The following MYO1B variants were observed in gnomAD, a reference collection of about 807,000 sequenced individuals.
MYO1B encodes unconventional myosin-Ib.
MYO1B carries 72 observed loss-of-function variants against 159.7 expected under a neutral mutation model. That is an observed-to-expected ratio of 0.45 (90% CI 0.37 to 0.55). The LOEUF (loss-of-function observed/expected upper bound fraction) is 0.55. MYO1B is among the 20% of genes least tolerant of loss of function. The probability of loss-of-function intolerance (pLI) is 0.00; values close to 1 mark genes in which losing one functional copy is unlikely to be tolerated. For synonymous variants in MYO1B, 468 were observed against 473.8 expected (o/e 0.99, Z 0.16); for missense variants, 1,062 against 1,364.8 (o/e 0.78, Z 3.50).
chr2:191,276,666 C>T (rs1687771272), intron 1 of MYO1B, among the ~76,000 whole-genome samples: 1 of 152,028 alleles, frequency 6.6e-6, no homozygotes, highest in Non-Finnish European at 1.5e-5. Flanking sequence ...GGAGGATGGA[C>T]TGGGAAGGAG....
chr2:191,348,649 G>T (rs1019861402), intron 6 of MYO1B, among the ~76,000 whole-genome samples: 2 of 151,946 alleles, frequency 1.3e-5, no homozygotes, highest in African/African-American at 4.8e-5. Flanking sequence ...GACTCTCCGG[G>T]TAGCTCTCAA....
chr2:191,313,212 TTTTTTTTTTTTTTTTG>T (rs1690124205), intron 3 of MYO1B, among the ~76,000 whole-genome samples: 1 of 124,808 alleles, frequency 8.0e-6, no homozygotes, highest in African/African-American at 3.0e-5. Context: ...TTTTTTTTTT[TTTTTTTTTTTTTTTTG>T]AGACGGAGTT....
At chr2:191,371,541 C>T (rs889460279) in intron 13 of MYO1B, among the ~76,000 whole-genome samples, 1 of 152,116 alleles carries the variant, frequency 6.6e-6, no homozygotes, top group African/African-American at 2.4e-5. Flanking sequence ...AAGTAAAGCT[C>T]CTCAGGTCAA....
In MYO1B at chr2:191,400,386, G is replaced by A. The variant is rs755451462; in HGVS notation, c.2300G>A (p.Arg767Gln). 1.1e-5 allele frequency: 17 copies of A among 1,613,642 alleles called. No homozygotes were observed. The highest frequency in any genetic ancestry group is 3.3e-5 in the Admixed American group (2 of 59,956). Residue 767 changes from arginine to glutamine, a missense_variant, in exon 22 of 31, where the codon CGA becomes CAA. Around this residue, in one of 5 missense-constraint regions of MYO1B, gnomAD observed 609 missense variants for 744.4 expected, o/e 0.82. Coordinates refer to ENST00000392318, the MANE Select transcript of MYO1B (RefSeq NM_001130158.3). ...TTGGGTGATTCTGCCCTTTAGGCTC[G>A]AAAAATTCTGCGGGAACTGAAGCAT... The part of the protein sequence containing the change: ...IQSYIRGWKA[R>Q]KILRELKHQK...
chr2:191,383,380 G>A (rs1695157868), intron 15 of MYO1B, 38 bp downstream of exon 15: 1 of 1,375,388 alleles, frequency 7.3e-7, no homozygotes, highest in Admixed American at 2.3e-5. Context: ...GAATGTTTTA[G>A]TCCTATAATT....
In MYO1B at chr2:191,313,192, CTTTTTTTTTTTTTTTT is replaced by C. The variant is rs762175060; in HGVS notation, c.252-16723_252-16708del. Among the ~76,000 whole-genome samples the C allele has an allele frequency of 5.6e-4, 24 of 43,010 alleles. 1 individual carries two copies. Among genetic ancestry groups the C allele is most frequent in the Admixed American group, 2.2e-3 (5 of 2,278 alleles). 28.2% of individuals were successfully genotyped at this position (43,010 alleles called of 152,430 possible). A position where few individuals can be genotyped will look rare whatever the true frequency, so the allele number is the denominator to read the frequency against. ...TAGTTATAATATCTGGCACACATGG[CTTTTTTTTTTTTTTTT>C]TTTTTTTTTTTTTTTTTTTGAGACG... On this transcript the variant is annotated intron_variant, in intron 3 of 30. Transcript: ENST00000392318.
At chr2:191,336,870 A>C (rs1380592412) in intron 4 of MYO1B, among the ~76,000 whole-genome samples, 1 of 152,198 alleles carries the variant, frequency 6.6e-6, no homozygotes, top group African/African-American at 2.4e-5. Flanking sequence ...TTGGTGTCTT[A>C]ACTAGAGAGA....
chr2:191,294,496 A>G (rs1688865432), intron 2 of MYO1B, among the ~76,000 whole-genome samples: 1 of 152,224 alleles, frequency 6.6e-6, no homozygotes, highest in Admixed American at 6.5e-5. Flanking sequence ...AGCTATTCAG[A>G]CAAGTATTCA....
At chr2:191,302,720 T>C (rs922294444) in intron 3 of MYO1B, among the ~76,000 whole-genome samples, 1 of 152,220 alleles carries the variant, frequency 6.6e-6, no homozygotes, top group African/African-American at 2.4e-5. Flanking sequence ...CATATTACCT[T>C]AGGCATTGCA....
chr2:191,370,082 C>A, intron 12 of MYO1B, 145 bp from the exon 13 acceptor site: 1 of 602,638 alleles, frequency 1.7e-6, no homozygotes, highest in Non-Finnish European at 2.9e-6. Flanking sequence ...TGCCTCATCT[C>A]ATACATTTTT....
chr2:191,373,030 T>G (rs1694473426), intron 13 of MYO1B, among the ~76,000 whole-genome samples: 1 of 151,882 alleles, frequency 6.6e-6, no homozygotes, highest in Non-Finnish European at 1.5e-5. Context: ...TTTTGTATTT[T>G]TAGTAGAGAC....
chr2:191,411,464 TAC>T (rs1697244121), intron 27 of MYO1B, among the ~76,000 whole-genome samples: 1 of 152,362 alleles, frequency 6.6e-6, no homozygotes, highest in South Asian at 2.1e-4. Context: ...GCTGTTAAGA[TAC>T]GTTTGCATTG....
chr2:191,369,445 A>G (rs1178072027), intron 11 of MYO1B, 97 bp from the exon 12 acceptor site: 9 of 905,522 alleles, frequency 9.9e-6, no homozygotes, highest in Non-Finnish European at 1.5e-5. Flanking sequence ...GAAATAAAAG[A>G]GCTTCAAATA....
At chr2:191,406,851 G>A (rs1381685609) in intron 24 of MYO1B, among the ~76,000 whole-genome samples, 1 of 152,196 alleles carries the variant, frequency 6.6e-6, no homozygotes, top group Non-Finnish European at 1.5e-5. Context: ...AGGTATGCCT[G>A]TAAAAAGAAA....
chr2:191,305,722 T>G (rs1015528752), intron 3 of MYO1B, among the ~76,000 whole-genome samples: 1 of 152,132 alleles, frequency 6.6e-6, no homozygotes, highest in African/African-American at 2.4e-5. Flanking sequence ...TGATTCCTTT[T>G]GTAGCAGCAT....
intron 13 of MYO1B, among the ~76,000 whole-genome samples, chr2:191,379,665 A>G (rs912871457): frequency 6.6e-6 from 1 of 152,148 alleles, no homozygotes; most frequent in Admixed American, 6.5e-5. Flanking sequence ...GCCAGATAAC[A>G]CATTTGTTCC....
intron 1 of MYO1B, among the ~76,000 whole-genome samples, chr2:191,270,733 G>A (rs1031570516): frequency 3.9e-5 from 6 of 152,176 alleles, no homozygotes; most frequent in African/African-American, 1.4e-4. Flanking sequence ...GAGTTACTGT[G>A]TTCATGAAAT....
intron 20 of MYO1B, among the ~76,000 whole-genome samples, chr2:191,393,998 A>G (rs1340818345): frequency 2.0e-5 from 3 of 152,210 alleles, no homozygotes; most frequent in African/African-American, 7.2e-5. Flanking sequence ...ACTTTGCTAT[A>G]GGGCTGTATA....
chr2:191,265,206 T>A (rs1230261200), intron 1 of MYO1B, among the ~76,000 whole-genome samples: 1 of 138,158 alleles, frequency 7.2e-6, no homozygotes, highest in South Asian at 2.4e-4. Flanking sequence ...TTTTTTTTTT[T>A]AAAGAAGGCC....
Sources: gnomAD v4.1 joint callset for allele counts (sites outside exome capture counted in the v4.1 genomes callset) on GRCh38, gnomAD v4.1.1 for gene constraint, gnomAD v4.1.1 regional missense constraint, MANE v1.5 for transcripts, NCBI Gene and HGNC (gene_info 2026-07-23, HGNC 2026-07-21) for gene names.